Variants in TRPM7 observed in about 807,000 individuals in gnomAD.
The protein encoded by TRPM7 is transient receptor potential cation channel subfamily M member 7.
Under a neutral mutation model 229.7 loss-of-function variants are expected in TRPM7, and 134 were observed. That is an observed-to-expected ratio of 0.58 (90% CI 0.51 to 0.67). TRPM7 has a LOEUF of 0.67. Ranked by LOEUF, TRPM7 falls within the 30% of genes least tolerant of loss-of-function variation. The probability of loss-of-function intolerance (pLI) is 0.00; values close to 1 mark genes in which losing one functional copy is unlikely to be tolerated. For synonymous variants in TRPM7, 699 were observed against 715.2 expected, an observed-to-expected ratio of 0.98 and a Z score of 0.36; for missense variants, 1,901 against 2,210.0, an observed-to-expected ratio of 0.86 and a Z score of 2.80.
At chr15:50,638,762 T>G (rs1019720829) in intron 6 of TRPM7, among the ~76,000 whole-genome samples, 1 of 152,122 alleles carries the variant, frequency 6.6e-6, no homozygotes, top group African/African-American at 2.4e-5. Flanking sequence ...TTCAGCTCAC[T>G]GCAACCTCTG....
At chr15:50,614,392 C>T in intron 13 of TRPM7, 129 bp from the exon 14 acceptor site, 1 of 818,264 alleles carries the variant, frequency 1.2e-6, no homozygotes, top group Non-Finnish European at 1.8e-6. Context: ...GGGCCAGGTG[C>T]AGTGGCTCAC....
At chr15:50,598,440 C>T (rs1368280785) in intron 22 of TRPM7, among the ~76,000 whole-genome samples, 3 of 152,178 alleles carry the variant, frequency 2.0e-5, no homozygotes, top group Non-Finnish European at 4.4e-5. Flanking sequence ...CAAGCTGCAA[C>T]AAAAATCTTG....
chr15:50,647,467 C>T (rs1021557523), intron 4 of TRPM7, among the ~76,000 whole-genome samples: 1 of 151,606 alleles, frequency 6.6e-6, no homozygotes, highest in South Asian at 2.1e-4. Context: ...AAAAACAGGC[C>T]GGGCACAGTG....
rs780430618 is a variant in TRPM7 at position 50,648,843 on chromosome 15, A to G, written c.165T>C (p.Thr55=). 1.1e-5 allele frequency: 18 copies of G among 1,612,544 alleles called. No homozygotes were observed. Among genetic ancestry groups the G allele is most frequent in the Admixed American group, 1.0e-4 (6 of 59,858 alleles). Residue 55 remains threonine, a synonymous_variant, in exon 4 of 39, where the codon ACT becomes ACC. Coordinates refer to ENST00000646667, the MANE Select transcript of TRPM7 (RefSeq NM_017672.6). Reference sequence around the variant, plus strand: ...CTGAGTATTTCATGGCAAGACTTGCAGTAAAACAAGCATGTTGCTTGACCA... The same window carrying G: ...CTGAGTATTTCATGGCAAGACTTGCGGTAAAACAAGCATGTTGCTTGACCA... The part of the protein sequence containing the change: ...GRLVKQHACF[T]ASLAMKYSDV...
chr15:50,571,406 T>C (rs1396912772), intron 36 of TRPM7, among the ~76,000 whole-genome samples: 6 of 152,238 alleles, frequency 3.9e-5, no homozygotes, highest in African/African-American at 1.4e-4. Flanking sequence ...TGCATGAGAA[T>C]GGTTTGCTGC....
At position 50,614,235 on chromosome 15, in the gene TRPM7, G is replaced by C. The variant is rs2060149225; in HGVS notation, c.1523C>G (p.Thr508Ser). The change falls in exon 14 of 39, where the codon ACT (threonine) becomes AGT (serine). Residue 508 changes from threonine to serine, a missense_variant. Coordinates refer to ENST00000646667, the MANE Select transcript of TRPM7 (RefSeq NM_017672.6). ...AATAACAAGTCCTATATCAATCAGAGTGATCTTATATCCTGGAGGAAGATT... is the reference window on the plus strand; with the variant it reads ...AATAACAAGTCCTATATCAATCAGACTGATCTTATATCCTGGAGGAAGATT... The part of the protein sequence containing the change: ...QGNLPPGYKI[T>S]LIDIGLVIEY... 1 of 1,609,278 alleles carries C rather than the reference G, an allele frequency of 6.2e-7. No individual in the cohort carries two copies. Among genetic ancestry groups the C allele is most frequent in the Admixed American group, 1.7e-5 (1 of 58,518 alleles).
intron 13 of TRPM7, among the ~76,000 whole-genome samples, chr15:50,619,387 A>AT (rs1328278043): frequency 2.0e-5 from 3 of 151,656 alleles, no homozygotes; most frequent in African/African-American, 7.3e-5. Flanking sequence ...TGCCCAGGTA[A>AT]TTTTTTTAAC....
chr15:50,655,000 CA>C (rs35388005), intron 3 of TRPM7, among the ~76,000 whole-genome samples: 1,406 of 69,406 alleles, frequency 0.02, 16 homozygotes, highest in African/African-American at 0.076. Context: ...CACTCCGTCT[CA>C]AAAAAAAAAA....
rs1017600107 is a variant in TRPM7, at chr15:50,559,722, T to C, written c.*1956A>G. ...TATAAGGATTAAGTAGGTTAATATA[T>C]GTGAAATACTTAGAGTAATGTCTGG... On this transcript the variant is annotated 3_prime_UTR_variant, in exon 39 of 39. Transcript: ENST00000646667. 2.6e-5 allele frequency: 4 copies of C among 152,152 alleles called. No individual in the cohort carries two copies. Among genetic ancestry groups the C allele is most frequent in the African/African-American group, 9.7e-5 (4 of 41,428 alleles). The allele number at this position is 152,152 out of a possible 1,614,324, so 9.4% of individuals were successfully genotyped here. A position where few individuals can be genotyped will look rare whatever the true frequency, so the allele number is the denominator to read the frequency against.
chr15:50,681,635 GTC>G (rs759262669), intron 1 of TRPM7, among the ~76,000 whole-genome samples: 49 of 152,150 alleles, frequency 3.2e-4, no homozygotes, highest in Non-Finnish European at 2.8e-4. Flanking sequence ...AGTGAACTCT[GTC>G]TCAGGGTTGC....
At chr15:50,668,363 G>C (rs1200409826) in intron 1 of TRPM7, among the ~76,000 whole-genome samples, 1 of 152,120 alleles carries the variant, frequency 6.6e-6, no homozygotes, top group African/African-American at 2.4e-5. Flanking sequence ...TTGCAGTCAA[G>C]GATTTGAGCT....
intron 1 of TRPM7, among the ~76,000 whole-genome samples, chr15:50,678,075 T>TAA (rs71127112): frequency 2.0e-5 from 3 of 150,568 alleles, no homozygotes; most frequent in South Asian, 4.2e-4. Context: ...ACGTCTCTAC[T>TAA]AAAAAAATAC....
intron 1 of TRPM7, among the ~76,000 whole-genome samples, chr15:50,663,521 A>G (rs2061789835): frequency 6.6e-6 from 1 of 152,202 alleles, no homozygotes; most frequent in South Asian, 2.1e-4. Flanking sequence ...AATTCCATTT[A>G]AATCCCAAGT....
At chr15:50,655,192 T>A (rs1214266899) in intron 3 of TRPM7, among the ~76,000 whole-genome samples, 1 of 151,100 alleles carries the variant, frequency 6.6e-6, no homozygotes, top group African/African-American at 2.4e-5. Flanking sequence ...TCCCAGCACT[T>A]TGGGTGGCCA....
intron 25 of TRPM7, among the ~76,000 whole-genome samples, chr15:50,592,910 G>A (rs2059542100): frequency 6.6e-5 from 10 of 152,118 alleles, no homozygotes; most frequent in Admixed American, 6.6e-4. Flanking sequence ...TGTATATACA[G>A]CTACATATAT....
intron 8 of TRPM7, 85 bp downstream of exon 8, chr15:50,634,297 G>T: frequency 1.8e-6 from 2 of 1,092,996 alleles, no homozygotes; most frequent in Non-Finnish European, 2.4e-6. Context: ...CGCTATCCAG[G>T]CTGGGAGACA....
Position 50,561,445 on chromosome 15 carries a change from A to G in TRPM7, c.*233T>C, listed in dbSNP as rs2053309326. On this transcript the variant is annotated 3_prime_UTR_variant, in exon 39 of 39. Coordinates refer to ENST00000646667, the MANE Select transcript of TRPM7 (RefSeq NM_017672.6). ...CAAAGAGCCCTTTAAAAAGTTATAA[A>G]TACTAATTATCAATTACCTTTAAAA... The G allele has an allele frequency of 2.3e-6, 1 of 438,448 alleles. No homozygotes were observed. 27.2% of individuals were successfully genotyped at this position (438,448 alleles called of 1,614,324 possible).
intron 4 of TRPM7, among the ~76,000 whole-genome samples, chr15:50,646,737 A>G (rs2061275933): frequency 6.6e-6 from 1 of 152,214 alleles, no homozygotes. Flanking sequence ...GTGGTAAAGG[A>G]TTAATTTACA....
rs759857880 is a variant in TRPM7 at position 50,611,209 on chromosome 15, G to T, written c.2164C>A (p.Leu722Ile). 2 of 1,613,918 alleles carry T rather than the reference G, an allele frequency of 1.2e-6. No individual in the cohort carries two copies. Among genetic ancestry groups the T allele is most frequent in the Non-Finnish European group, 8.5e-7 (1 of 1,179,926 alleles). Residue 722 changes from leucine (L) to isoleucine (I), a missense_variant, in exon 17 of 39, where the codon CTT (leucine) becomes ATT (isoleucine). Coordinates refer to ENST00000646667, the MANE Select transcript of TRPM7 (RefSeq NM_017672.6). The stretch of plus-strand genomic sequence containing the variant: ...AGTCTTGAAGAAACTGCTAACTTAA[G>T]GCAGGTTGAATTACTCCAGTTCTTC... ...ELKNWSNSTC[L>I]KLAVSSRLRP...
Sources: gnomAD v4.1 joint callset for allele counts (sites outside exome capture counted in the v4.1 genomes callset) on GRCh38, gnomAD v4.1.1 for gene constraint, MANE v1.5 for transcripts, NCBI Gene and HGNC (gene_info 2026-07-23, HGNC 2026-07-21) for gene names.